DPP10: variants seen among roughly 807,000 people sequenced by gnomAD.
DPP10 encodes dipeptidyl peptidase like 10.
DPP10 carries 33 observed loss-of-function variants against 120.9 expected under a neutral mutation model. That is an observed-to-expected ratio of 0.27 (90% CI 0.21 to 0.37). DPP10 has a LOEUF of 0.37. Ranked by LOEUF, DPP10 falls within the 10% of genes least tolerant of loss-of-function variation. The pLI is 1.00. For synonymous variants in DPP10, 337 were observed against 326.1 expected (o/e 1.03, Z -0.36); for missense variants, 816 against 942.8 (o/e 0.87, Z 1.76).
chr2:115,834,843 T>C lies in DPP10; in HGVS notation c.1951-1314T>C, dbSNP rs145061480. On this transcript the variant is annotated intron_variant, in intron 21 of 25. Coordinates refer to ENST00000410059, the MANE Select transcript of DPP10 (RefSeq NM_020868.6). The stretch of plus-strand genomic sequence containing the variant: ...GGCTCACGCCTGTAATCCCAGCACT[T>C]TGGGAGGCCGAGGCGGGTAGATCAC... Among the ~76,000 whole-genome samples, 19 of 152,034 alleles carry C rather than the reference T, an allele frequency of 1.2e-4. No individual in the cohort carries two copies. The East Asian group carries it at 3.5e-3, about 28-fold the overall frequency.
intron 1 of DPP10, among the ~76,000 whole-genome samples, chr2:114,981,983 C>T (rs1700118869): frequency 6.6e-6 from 1 of 151,748 alleles, no homozygotes; most frequent in South Asian, 2.1e-4. Context: ...CAACTTCCAC[C>T]TCCTGGGTTC....
intron 1 of DPP10, among the ~76,000 whole-genome samples, chr2:114,530,509 A>G (rs1243404893): frequency 1.3e-5 from 2 of 152,162 alleles, no homozygotes; most frequent in South Asian, 2.1e-4. Flanking sequence ...GCCCACAGTC[A>G]GAGGAAGGGG....
chr2:115,060,603 T>C (rs1039411653), intron 1 of DPP10, among the ~76,000 whole-genome samples: 1 of 152,136 alleles, frequency 6.6e-6, no homozygotes, highest in African/African-American at 2.4e-5. Flanking sequence ...AATTGATAGA[T>C]AGAATAATAG....
chr2:114,762,128 C>T (rs1680335771), intron 1 of DPP10, among the ~76,000 whole-genome samples: 1 of 152,188 alleles, frequency 6.6e-6, no homozygotes, highest in African/African-American at 2.4e-5. Context: ...CTGTATCCAC[C>T]ACCTTCTTAG....
intron 3 of DPP10, among the ~76,000 whole-genome samples, chr2:115,464,512 C>G (rs2074191877): frequency 6.6e-6 from 1 of 151,908 alleles, no homozygotes; most frequent in Non-Finnish European, 1.5e-5. Context: ...TTTTTTCACC[C>G]CTGAGGCTGT....
At chr2:115,564,211 T>G (rs2080857299) in intron 5 of DPP10, among the ~76,000 whole-genome samples, 1 of 151,866 alleles carries the variant, frequency 6.6e-6, no homozygotes, top group Admixed American at 6.6e-5. Flanking sequence ...TAATTATTTT[T>G]TCACTGAAAT....
chr2:115,480,147 T>C (rs1158883204), intron 3 of DPP10, among the ~76,000 whole-genome samples: 1 of 152,102 alleles, frequency 6.6e-6, no homozygotes, highest in Non-Finnish European at 1.5e-5. Flanking sequence ...GTATTTAAAG[T>C]CTGTCTCCCA....
In DPP10 at chr2:114,857,069, T is replaced by G. The variant is rs191654229; in HGVS notation, c.60+414231T>G. Among the ~76,000 whole-genome samples, 17 of 152,272 alleles carry G rather than the reference T, an allele frequency of 1.1e-4. No homozygotes were observed. In the East Asian group the frequency reaches 2.7e-3, roughly 24 times the overall value. ...AGAATCAGAGGTAACAGTTCAGATCTCCCAGAGCTGAAAATTGGCAGGACC... is the reference window on the plus strand; with the variant it reads ...AGAATCAGAGGTAACAGTTCAGATCGCCCAGAGCTGAAAATTGGCAGGACC... On this transcript the variant is annotated intron_variant, in intron 1 of 25. Coordinates refer to ENST00000410059, the MANE Select transcript of DPP10 (RefSeq NM_020868.6).
chr2:114,825,033 C>A (rs1686411233), intron 1 of DPP10, among the ~76,000 whole-genome samples: 1 of 152,136 alleles, frequency 6.6e-6, no homozygotes, highest in East Asian at 1.9e-4. Context: ...TAACTCAATG[C>A]TGTGGAAGGT....
At chr2:115,044,310 CAG>C (rs1185949716) in intron 1 of DPP10, among the ~76,000 whole-genome samples, 1 of 151,868 alleles carries the variant, frequency 6.6e-6, no homozygotes, top group Non-Finnish European at 1.5e-5. Context: ...GAAGGAGAAA[CAG>C]AGAGAGAAGG....
chr2:115,568,892 C>G (rs149407081), intron 5 of DPP10, among the ~76,000 whole-genome samples: 113 of 152,216 alleles, frequency 7.4e-4, no homozygotes, highest in Non-Finnish European at 1.3e-3. Flanking sequence ...AGTGAGAAGT[C>G]TCATTTCTAT....
chr2:114,702,857 C>A (rs959545234), intron 1 of DPP10, among the ~76,000 whole-genome samples: 2 of 152,022 alleles, frequency 1.3e-5, no homozygotes, highest in Non-Finnish European at 2.9e-5. Flanking sequence ...AAAGGAAAAC[C>A]CCAGAAGATA....
chr2:115,770,488 C>T (rs1265107070), intron 13 of DPP10, among the ~76,000 whole-genome samples: 1 of 151,906 alleles, frequency 6.6e-6, no homozygotes, highest in Non-Finnish European at 1.5e-5. Context: ...TGGTTTGCCT[C>T]ATTGAGAAAT....
At chr2:114,986,359 C>T (rs762241159) in intron 1 of DPP10, among the ~76,000 whole-genome samples, 7 of 152,038 alleles carry the variant, frequency 4.6e-5, no homozygotes, top group Non-Finnish European at 8.8e-5. Context: ...TCTTAATTAA[C>T]AAAAAAACTT....
chr2:114,533,455 C>T (rs1686211957), intron 1 of DPP10, among the ~76,000 whole-genome samples: 1 of 151,800 alleles, frequency 6.6e-6, no homozygotes, highest in South Asian at 2.1e-4. Flanking sequence ...CACACTGGGG[C>T]CTGTTGGGTG....
intron 5 of DPP10, among the ~76,000 whole-genome samples, chr2:115,528,368 TAAATA>T (rs1017952877): frequency 1.3e-5 from 2 of 150,276 alleles, no homozygotes; most frequent in Non-Finnish European, 3.0e-5. Flanking sequence ...TAAAAATAAA[TAAATA>T]AATAAATAAA....
chr2:114,942,382 TATATATATACACACACACAC>T (rs1697018885), intron 1 of DPP10, among the ~76,000 whole-genome samples: 1 of 78,920 alleles, frequency 1.3e-5, no homozygotes, highest in South Asian at 3.8e-4. Flanking sequence ...CACACACATA[TATATATATACACACACACAC>T]ATATATATAT....
At chr2:115,354,704 C>A (rs1182273801) in intron 3 of DPP10, among the ~76,000 whole-genome samples, 1 of 152,072 alleles carries the variant, frequency 6.6e-6, no homozygotes, top group South Asian at 2.1e-4. Context: ...TCCCCTCGCC[C>A]CCCACCCAAC....
At chr2:115,147,670 C>T (rs2051306029) in intron 1 of DPP10, among the ~76,000 whole-genome samples, 1 of 151,780 alleles carries the variant, frequency 6.6e-6, no homozygotes, top group Non-Finnish European at 1.5e-5. Context: ...TAGTGTGAGA[C>T]CCAAAAATAT....
Sources: allele counts gnomAD v4.1 joint callset (sites outside exome capture counted in the v4.1 genomes callset), GRCh38; gene constraint gnomAD v4.1.1; transcripts MANE v1.5; gene names NCBI Gene and HGNC (gene_info 2026-07-23, HGNC 2026-07-21).